DCAF1: variants seen among roughly 807,000 people sequenced by gnomAD.
DCAF1 encodes the protein DDB1- and CUL4-associated factor 1.
Under a neutral mutation model 128.0 loss-of-function variants are expected in DCAF1, and 15 were observed. That is an observed-to-expected ratio of 0.12 (90% CI 0.08 to 0.18). The LOEUF is 0.18. Ranked by LOEUF, DCAF1 falls within the 10% of genes least tolerant of loss-of-function variation. DCAF1 has a pLI of 1.00. For missense variants in DCAF1, 988 were observed against 1,649.5 expected (o/e 0.60, Z 6.95); for synonymous variants, 610 against 603.0 (o/e 1.01, Z -0.17).
At chr3:51,397,553 G>C (rs2089285439), downstream of DCAF1, 1 of 167,058 alleles carries the variant, frequency 6.0e-6, no homozygotes, top group Admixed American at 6.5e-5. Context: ...CTGTACTTGG[G>C]AGCAGCCTGC....
At chr3:51,486,350 C>T (rs1706957237) in intron 2 of DCAF1, among the ~76,000 whole-genome samples, 1 of 151,656 alleles carries the variant, frequency 6.6e-6, no homozygotes, top group African/African-American at 2.4e-5. Context: ...TGTTGCCATG[C>T]CCAGCTTATT....
At chr3:51,426,814 C>T (rs192041988) in intron 13 of DCAF1, among the ~76,000 whole-genome samples, 1 of 150,652 alleles carries the variant, frequency 6.6e-6, no homozygotes, top group East Asian at 2.1e-4. Context: ...CTCTTAAGAC[C>T]CCATCTTTTT....
chr3:51,444,190 A>AAT (rs1184781241), intron 6 of DCAF1, among the ~76,000 whole-genome samples: 2 of 152,138 alleles, frequency 1.3e-5, no homozygotes, highest in Admixed American at 1.3e-4. Flanking sequence ...CAATCCCCAG[A>AAT]ATATAGTCCT....
At chr3:51,442,607 G>A (rs1327858525) in intron 7 of DCAF1, among the ~76,000 whole-genome samples, 3 of 152,020 alleles carry the variant, frequency 2.0e-5, no homozygotes, top group Non-Finnish European at 4.4e-5. Flanking sequence ...GCTGAGACAG[G>A]AGAATCACTT....
At chr3:51,440,696 AGGAG>A (rs1404184196) in intron 9 of DCAF1, among the ~76,000 whole-genome samples, 1 of 152,194 alleles carries the variant, frequency 6.6e-6, no homozygotes, top group East Asian at 1.9e-4. Flanking sequence ...ACTTGAGGTC[AGGAG>A]TTTGAGTCCA....
At chr3:51,412,813 T>C (rs533306620) in intron 22 of DCAF1, among the ~76,000 whole-genome samples, 180 bp downstream of exon 22, 1 of 152,326 alleles carries the variant, frequency 6.6e-6, no homozygotes, top group East Asian at 1.9e-4. Flanking sequence ...GGGATTTTCT[T>C]ACTATTTCTC....
chr3:51,478,000 TGTTA>T (rs1705690933), intron 3 of DCAF1, among the ~76,000 whole-genome samples: 1 of 152,088 alleles, frequency 6.6e-6, no homozygotes, highest in South Asian at 2.1e-4. Flanking sequence ...GTTCCTTATC[TGTTA>T]GTTTTTGTTG....
chr3:51,493,013 TAAAA>T (rs1187190493), intron 2 of DCAF1, among the ~76,000 whole-genome samples: 1 of 150,788 alleles, frequency 6.6e-6, no homozygotes, highest in Non-Finnish European at 1.5e-5. Flanking sequence ...AATAAATAAA[TAAAA>T]GAAATGTAAA....
At chr3:51,431,273 T>C (rs1553635491) in intron 10 of DCAF1, among the ~76,000 whole-genome samples, 1 of 151,938 alleles carries the variant, frequency 6.6e-6, no homozygotes, top group African/African-American at 2.4e-5. Context: ...ATCCCAGTAC[T>C]TTGGGAGGCT....
intron 9 of DCAF1, chr3:51,437,482 T>C (rs1206578152): frequency 2.3e-6 from 1 of 443,996 alleles, no homozygotes; most frequent in African/African-American, 2.0e-5. Flanking sequence ...AACAGGTAAC[T>C]ACTGAGAGAT....
intron 6 of DCAF1, among the ~76,000 whole-genome samples, chr3:51,461,080 G>A (rs1553644351): frequency 6.6e-6 from 1 of 151,354 alleles, no homozygotes; most frequent in African/African-American, 2.4e-5. Flanking sequence ...TTAAACTAAA[G>A]AGCTTCTGCA....
chr3:51,436,974 A>G (rs781915118), intron 9 of DCAF1, among the ~76,000 whole-genome samples: 18 of 152,228 alleles, frequency 1.2e-4, no homozygotes, highest in South Asian at 4.1e-4. Context: ...TTTTAAAAAA[A>G]AGAGAGAGAC....
chr3:51,481,038 G>A (rs1186954054), intron 3 of DCAF1, among the ~76,000 whole-genome samples: 4 of 152,142 alleles, frequency 2.6e-5, no homozygotes, highest in Non-Finnish European at 5.9e-5. Context: ...GTGCTCATGG[G>A]TTTTCTAAGG....
intron 1 of DCAF1, among the ~76,000 whole-genome samples, chr3:51,498,806 C>T (rs1553662672): frequency 6.6e-6 from 1 of 151,860 alleles, no homozygotes; most frequent in Non-Finnish European, 1.5e-5. Flanking sequence ...CTAAATAGAT[C>T]CTAAAATCTA....
chr3:51,410,066 A>G (rs1698260045), intron 23 of DCAF1, among the ~76,000 whole-genome samples: 1 of 152,224 alleles, frequency 6.6e-6, no homozygotes, highest in Non-Finnish European at 1.5e-5. Context: ...GCCCCTATAG[A>G]GCCCATATAG....
chr3:51,416,947 A>AC (rs1698938789), intron 17 of DCAF1, 76 bp from the exon 18 acceptor site: 3 of 1,540,876 alleles, frequency 1.9e-6, no homozygotes, highest in South Asian at 1.2e-5. Flanking sequence ...AACACAGGTG[A>AC]CCCCCAGCCT....
At chr3:51,448,039 C>T (rs1205664812) in intron 6 of DCAF1, among the ~76,000 whole-genome samples, 1 of 151,858 alleles carries the variant, frequency 6.6e-6, no homozygotes, top group Non-Finnish European at 1.5e-5. Flanking sequence ...GCAAAGTTTG[C>T]TCTGTTTGAT....
chr3:51,470,250 A>C (rs1010017954), intron 4 of DCAF1, among the ~76,000 whole-genome samples: 1 of 151,852 alleles, frequency 6.6e-6, no homozygotes. Flanking sequence ...AGAGAAGAAC[A>C]CCTTTTGTTT....
Position 51,444,825 on chromosome 3 carries a change from G to A in DCAF1, c.376-922C>T, listed in dbSNP as rs187653108. On this transcript the variant is annotated intron_variant, in intron 6 of 24. Coordinates refer to ENST00000684031, the MANE Select transcript of DCAF1 (RefSeq NM_001387579.1). ...CGAGTAGCTGGGACTACAGGCACCC[G>A]CCACCACGCCCGGCTAATTTTTTGT... Among the ~76,000 whole-genome samples, 966 of 151,680 alleles carry A rather than the reference G, an allele frequency of 6.4e-3. 11 individuals are homozygous for A. The highest frequency in any genetic ancestry group is 0.022 in the African/African-American group (910 of 41,290).
Sources: allele counts gnomAD v4.1 joint callset (sites outside exome capture counted in the v4.1 genomes callset), GRCh38; gene constraint gnomAD v4.1.1; transcripts MANE v1.5; gene names NCBI Gene and HGNC (gene_info 2026-07-23, HGNC 2026-07-21).